SLC39A3: variants seen among roughly 807,000 people sequenced by gnomAD.
SLC39A3 encodes zinc transporter ZIP3.
SLC39A3 carries 3 observed loss-of-function variants against 5.1 expected under a neutral mutation model. That is an observed-to-expected ratio of 0.59 (90% CI 0.27 to 1.54). SLC39A3 has a LOEUF of 1.54. Ranked by LOEUF, SLC39A3 falls within the 40% of genes most tolerant of loss-of-function variation. The pLI, the probability that SLC39A3 is intolerant of heterozygous loss-of-function variation, is 0.12. For missense variants in SLC39A3, 412 were observed against 436.4 expected, an observed-to-expected ratio of 0.94 and a Z score of 0.50; for synonymous variants, 250 against 218.8, an observed-to-expected ratio of 1.14 and a Z score of -1.26.
Position 2,733,524 on chromosome 19 carries a change from C to A in SLC39A3, c.211-39G>T, listed in dbSNP as rs778373404. ...CACCCGAGAGAGAGAGAGAGACCCA[C>A]GCTCAGGGGTGGCGGCGACAGGGCT... On this transcript the variant is annotated intron_variant, in intron 2 of 2. Transcript: ENST00000269740. This position sits in a 1 kb window ranked among gnomAD's most constrained non-coding sequence, Gnocchi z 6.1. 40 of 1,568,290 alleles carry A rather than the reference C, an allele frequency of 2.6e-5. No homozygotes were observed. In the African/African-American group the frequency reaches 5.3e-4, roughly 21 times the overall value.
chr19:2,736,235 C>T (rs551926353), intron 2 of SLC39A3: 2 of 978,712 alleles, frequency 2.0e-6, no homozygotes, highest in South Asian at 9.5e-5. Context: ...GACAGCCATA[C>T]CCTGTGAGGT....
chr19:2,734,125 G>A lies in SLC39A3; in HGVS notation c.211-640C>T, dbSNP rs1297269153. 6.6e-6 allele frequency among the ~76,000 whole-genome samples: 1 copy of A among 152,218 alleles called. No homozygotes were observed. The highest frequency in any genetic ancestry group is 1.5e-5 in the Non-Finnish European group (1 of 68,040). On this transcript the variant is annotated intron_variant, in intron 2 of 2. Transcript: ENST00000269740. This position sits in a 1 kb window ranked among gnomAD's most constrained non-coding sequence, Gnocchi z 4.6. Reference sequence around the variant, plus strand: ...GGGAGCCGCAGGGCGTCTGCAAGAGGTACACACTCCTATGGGAGGGACAGC... The same window carrying A: ...GGGAGCCGCAGGGCGTCTGCAAGAGATACACACTCCTATGGGAGGGACAGC...
Position 2,735,286 on chromosome 19 carries a change from G to T in SLC39A3, c.210+1762C>A. 1 of 872,808 alleles carries T rather than the reference G, an allele frequency of 1.1e-6. No individual in the cohort carries two copies. The highest frequency in any genetic ancestry group is 1.4e-6 in the Non-Finnish European group (1 of 727,152). 54.1% of individuals were successfully genotyped at this position (872,808 alleles called of 1,614,324 possible). On this transcript the variant is annotated intron_variant, in intron 2 of 2. Coordinates refer to ENST00000269740, the MANE Select transcript of SLC39A3 (RefSeq NM_144564.5). The surrounding 1 kb of genome is among the most constrained non-coding windows in gnomAD (Gnocchi z 5.7). ...GAACGAATGCAGACTCAGCCACGCG[G>T]AACAGCAGGAATGCGGTGTCTCGGC...
In SLC39A3 at chr19:2,732,776, G is replaced by A; in HGVS notation, c.920C>T (p.Ala307Val). Reference protein sequence around the residue: ...LFLVLGYTVLAGMVFLKW With the variant: ...LFLVLGYTVLVGMVFLKW Reference sequence around the variant, plus strand: ...TCACCACTTGAGGAAGACCATCCCGGCCAGGACGGTGTAGCCCAGCACCAG... The same window carrying A: ...TCACCACTTGAGGAAGACCATCCCGACCAGGACGGTGTAGCCCAGCACCAG... Residue 307 changes from alanine (A) to valine (V), a missense_variant, in exon 3 of 3, where the codon GCC becomes GTC. Transcript: ENST00000269740. 6.3e-7 allele frequency: 1 copy of A among 1,593,544 alleles called. No homozygotes were observed.
rs779450853 is a variant in SLC39A3 at position 2,732,913 on chromosome 19, C to T, written c.783G>A (p.Ala261=). Residue 261 remains alanine, a synonymous_variant, in exon 3 of 3, where the codon GCG becomes GCA. Transcript: ENST00000269740. ...ESAQGVPGSV[A]SVLLQGLAGG... The stretch of plus-strand genomic sequence containing the variant: ...CCGCCAGGCCCTGCAGCAGCACGGA[C>T]GCCACGCTGCCCGGCACGCCCTGGG... The T allele has an allele frequency of 1.9e-5, 30 of 1,611,084 alleles. No individual in the cohort carries two copies. The highest frequency in any genetic ancestry group is 6.6e-5 in the South Asian group (6 of 90,908).
chr19:2,734,225 G>T lies in SLC39A3; in HGVS notation c.211-740C>A, dbSNP rs114465808. Among the ~76,000 whole-genome samples, 1 of 152,190 alleles carries T rather than the reference G, an allele frequency of 6.6e-6. No homozygotes were observed. Among genetic ancestry groups the T allele is most frequent in the Non-Finnish European group, 1.5e-5 (1 of 68,026 alleles). On this transcript the variant is annotated intron_variant, in intron 2 of 2. Coordinates refer to ENST00000269740, the MANE Select transcript of SLC39A3 (RefSeq NM_144564.5). The surrounding 1 kb of genome is among the most constrained non-coding windows in gnomAD (Gnocchi z 4.6). ...GTCTCATGAAAGGCAGGCTGTAAAC[G>T]CCCACAACAGCTCCCTGGAGCCTCG...
At position 2,733,528 on chromosome 19, in the gene SLC39A3, CAG is replaced by C; in HGVS notation, c.211-45_211-44del. On this transcript the variant is annotated intron_variant, in intron 2 of 2. Transcript: ENST00000269740. The surrounding 1 kb of genome is among the most constrained non-coding windows in gnomAD (Gnocchi z 6.1). ...CGAGAGAGAGAGAGAGACCCACGCT[CAG>C]GGGTGGCGGCGACAGGGCTGGCCAG... 6.4e-7 allele frequency: 1 copy of C among 1,564,932 alleles called. No individual in the cohort carries two copies. Among genetic ancestry groups the C allele is most frequent in the Non-Finnish European group, 8.6e-7 (1 of 1,156,382 alleles).
chr19:2,738,720 T>C (rs919739994), intron 1 of SLC39A3, among the ~76,000 whole-genome samples: 1 of 151,908 alleles, frequency 6.6e-6, no homozygotes, highest in African/African-American at 2.4e-5. Context: ...GACCAGCACC[T>C]GAGGTCGAGA....
Position 2,735,965 on chromosome 19 carries a change from CA to C in SLC39A3, c.210+1082del. 2 of 985,444 alleles carry C rather than the reference CA, an allele frequency of 2.0e-6. No homozygotes were observed. Among genetic ancestry groups the C allele is most frequent in the Non-Finnish European group, 2.4e-6 (2 of 829,960 alleles). The allele number at this position is 985,444 out of a possible 1,614,324, so 61.0% of individuals were successfully genotyped here. On this transcript the variant is annotated intron_variant, in intron 2 of 2. Coordinates refer to ENST00000269740, the MANE Select transcript of SLC39A3 (RefSeq NM_144564.5). The surrounding 1 kb of genome is among the most constrained non-coding windows in gnomAD (Gnocchi z 5.7). ...TCCATGCTTTCGTTGGGAGGAAGAACAGGGGGTCCTCATATCTCCACCAAGT... is the reference window on the plus strand; with the variant it reads ...TCCATGCTTTCGTTGGGAGGAAGAACGGGGGTCCTCATATCTCCACCAAGT...
chr19:2,732,569 G>C lies in SLC39A3; in HGVS notation c.*182C>G. ...GAAAGAAGTATTTTAAAAAGTAGCA[G>C]TGCTCTGAGGCTCAGGGTGTAGGAT... On this transcript the variant is annotated 3_prime_UTR_variant, in exon 3 of 3. Coordinates refer to ENST00000269740, the MANE Select transcript of SLC39A3 (RefSeq NM_144564.5). 1 of 1,427,658 alleles carries C rather than the reference G, an allele frequency of 7.0e-7. No homozygotes were observed. Among genetic ancestry groups the C allele is most frequent in the South Asian group, 1.5e-5 (1 of 65,618 alleles). 88.4% of individuals were successfully genotyped at this position (1,427,658 alleles called of 1,614,324 possible).
rs567070163 is a variant in SLC39A3 at position 2,737,422 on chromosome 19, CTTTTTTT to C, written c.-122-50_-122-44del. Reference sequence around the variant, plus strand: ...ACTGCATTAGCTTTCTTTCTTTTTTCTTTTTTTTTTTTTAGACAGAGTCTCGCTCTGT... The same window carrying C: ...ACTGCATTAGCTTTCTTTCTTTTTTCTTTTTTAGACAGAGTCTCGCTCTGT... On this transcript the variant is annotated intron_variant, in intron 1 of 2. Transcript: ENST00000269740. 4.3e-3 allele frequency: 4,572 copies of C among 1,067,092 alleles called. 9 individuals are homozygous for C. The highest frequency in any genetic ancestry group is 4.9e-3 in the Non-Finnish European group (3,898 of 789,758). 66.1% of individuals were successfully genotyped at this position (1,067,092 alleles called of 1,614,324 possible).
rs185820360 is a variant in SLC39A3, at chr19:2,737,309, G to A, written c.-52C>T. ...CTGCAGGGCCAAACCATCTGTGGGC[G>A]CACACCCAAGTCCCACGATGTGCTA... On this transcript the variant is annotated 5_prime_UTR_variant, in exon 2 of 3. Coordinates refer to ENST00000269740, the MANE Select transcript of SLC39A3 (RefSeq NM_144564.5). 101 of 1,537,256 alleles carry A rather than the reference G, an allele frequency of 6.6e-5. No homozygotes were observed. Among genetic ancestry groups the A allele is most frequent in the African/African-American group, 4.0e-4 (29 of 73,232 alleles).
Position 2,732,951 on chromosome 19 carries a change from C to T in SLC39A3, c.745G>A (p.Gly249Ser). 2 of 1,605,164 alleles carry T rather than the reference C, an allele frequency of 1.2e-6. No individual in the cohort carries two copies. The highest frequency in any genetic ancestry group is 1.7e-6 in the Non-Finnish European group (2 of 1,175,516). Residue 249 changes from glycine (G) to serine (S), a missense_variant, in exon 3 of 3, where the codon GGC (glycine) becomes AGC (serine). By Grantham distance (56) the Gly-to-Ser change is moderately conservative. Transcript: ENST00000269740. The part of the protein sequence containing the change: ...MIPLGIGLGL[G>S]IESAQGVPGS... ...GGCACGCCCTGGGCGCTCTCAATGC[C>T]CAGGCCCAGGCCGATGCCCAGGGGG...
At chr19:2,736,911 G>A (rs1914387541) in intron 2 of SLC39A3, 137 bp downstream of exon 2, 2 of 1,536,774 alleles carry the variant, frequency 1.3e-6, no homozygotes, top group Admixed American at 2.0e-5. Context: ...CAATCACACA[G>A]CAAATTCACT....
Position 2,733,226 on chromosome 19 carries a change from A to G in SLC39A3, c.470T>C (p.Leu157Pro). ...YVEPHGHGPS[L>P]SVQGLSRASP... ...GGCGCGCGAGAGGCCCTGCACGCTCAGGCTGGGGCCGTGGCCGTGGGGCTC... is the reference window on the plus strand; with the variant it reads ...GGCGCGCGAGAGGCCCTGCACGCTCGGGCTGGGGCCGTGGCCGTGGGGCTC... The change falls in exon 3 of 3, where the codon CTG (leucine) becomes CCG (proline). Residue 157 changes from leucine (L) to proline (P), a missense_variant. Physicochemically the swap from Leu to Pro is moderately conservative, Grantham distance 98. Transcript: ENST00000269740. This position sits in a 1 kb window ranked among gnomAD's most constrained non-coding sequence, Gnocchi z 6.1. The G allele has an allele frequency of 6.2e-7, 1 of 1,607,052 alleles. No individual in the cohort carries two copies. Among genetic ancestry groups the G allele is most frequent in the Non-Finnish European group, 8.5e-7 (1 of 1,176,532 alleles).
chr19:2,735,278 G>A lies in SLC39A3; in HGVS notation c.210+1770C>T, dbSNP rs1914325396. ...CGCGTAACGAACGAATGCAGACTCA[G>A]CCACGCGGAACAGCAGGAATGCGGT... On this transcript the variant is annotated intron_variant, in intron 2 of 2. Transcript: ENST00000269740. The surrounding 1 kb of genome is among the most constrained non-coding windows in gnomAD (Gnocchi z 5.7). 2.0e-5 allele frequency: 19 copies of A among 927,200 alleles called. No individual in the cohort carries two copies. Among genetic ancestry groups the A allele is most frequent in the Non-Finnish European group, 2.4e-5 (19 of 776,668 alleles). 57.4% of individuals were successfully genotyped at this position (927,200 alleles called of 1,614,324 possible).
At chr19:2,739,678 G>A (rs1914487418) in intron 1 of SLC39A3, among the ~76,000 whole-genome samples, 1 of 152,182 alleles carries the variant, frequency 6.6e-6, no homozygotes, top group African/African-American at 2.4e-5. Context: ...GCCCAATAAA[G>A]ACCTGTCCGG....
Position 2,733,418 on chromosome 19 carries a change from A to G in SLC39A3, c.278T>C (p.Leu93Pro). 1 of 1,613,044 alleles carries G rather than the reference A, an allele frequency of 6.2e-7. No homozygotes were observed. The highest frequency in any genetic ancestry group is 8.5e-7 in the Non-Finnish European group (1 of 1,180,008). ...DYPLAETILL[L>P]GFFMTVFLEQ... Reference sequence around the variant, plus strand: ...CAGGAAGACGGTCATGAAGAAGCCCAGCAGGAGGATGGTTTCGGCCAGCGG... The same window carrying G: ...CAGGAAGACGGTCATGAAGAAGCCCGGCAGGAGGATGGTTTCGGCCAGCGG... Residue 93 changes from leucine (L) to proline (P), a missense_variant, in exon 3 of 3, where the codon CTG (leucine) becomes CCG (proline). Physicochemically the swap from Leu to Pro is moderately conservative, Grantham distance 98. Coordinates refer to ENST00000269740, the MANE Select transcript of SLC39A3 (RefSeq NM_144564.5). This position sits in a 1 kb window ranked among gnomAD's most constrained non-coding sequence, Gnocchi z 6.1.
At chr19:2,736,711 T>G in intron 2 of SLC39A3, 1 of 1,405,054 alleles carries the variant, frequency 7.1e-7, no homozygotes, top group South Asian at 1.6e-5. Flanking sequence ...TACGCAACAG[T>G]AGCTGACTGA....
Sources: gnomAD v4.1 joint callset for allele counts (sites outside exome capture counted in the v4.1 genomes callset) on GRCh38, gnomAD v4.1.1 for gene constraint, Gnocchi (gnomAD v3.1) non-coding constraint, MANE v1.5 for transcripts, NCBI Gene and HGNC (gene_info 2026-07-23, HGNC 2026-07-21) for gene names.